Variants in FNIP1 observed in about 807,000 individuals in gnomAD.
FNIP1 encodes folliculin interacting protein 1, also known as folliculin-interacting protein 1.
A neutral mutation model predicts 124.5 loss-of-function variants in FNIP1; 40 were observed. That is an observed-to-expected ratio of 0.32 (90% confidence interval 0.25 to 0.42). The LOEUF (loss-of-function observed/expected upper bound fraction) is 0.42. Ranked by LOEUF, FNIP1 falls within the 10% of genes least tolerant of loss-of-function variation. FNIP1 has a pLI of 1.00. For synonymous variants in FNIP1, 472 were observed against 470.6 expected (o/e 1.00, Z -0.04); for missense variants, 1,176 against 1,403.7 (o/e 0.84, Z 2.59).
At chr5:131,687,517 G>A (rs1273237786) in intron 11 of FNIP1, among the ~76,000 whole-genome samples, 3 of 152,160 alleles carry the variant, frequency 2.0e-5, no homozygotes, top group Non-Finnish European at 4.4e-5. Context: ...GCTTTGACCT[G>A]CAAAGAGCTT....
At chr5:131,700,010 G>C (rs1768844749) in intron 10 of FNIP1, among the ~76,000 whole-genome samples, 1 of 143,068 alleles carries the variant, frequency 7.0e-6, no homozygotes, top group Non-Finnish European at 1.5e-5. Context: ...TTTTAAGACA[G>C]AGTCCTGCTC....
chr5:131,725,846 C>A (rs1769843353), intron 3 of FNIP1, among the ~76,000 whole-genome samples: 1 of 152,114 alleles, frequency 6.6e-6, no homozygotes, highest in South Asian at 2.1e-4. Flanking sequence ...TCATAAATAG[C>A]TCTTATTATT....
chr5:131,775,537 T>G (rs1474682935), intron 1 of FNIP1, among the ~76,000 whole-genome samples: 1 of 146,904 alleles, frequency 6.8e-6, no homozygotes, highest in African/African-American at 2.5e-5. Flanking sequence ...ACTTTTTTTT[T>G]TTTTTTTTGA....
At chr5:131,703,967 A>C (rs542576379) in intron 10 of FNIP1, 98 bp downstream of exon 10, 1 of 1,040,728 alleles carries the variant, frequency 9.6e-7, no homozygotes, top group East Asian at 2.6e-5. Context: ...ACACATGCAC[A>C]ACGTCTGTTA....
chr5:131,787,926 A>T (rs936704399), intron 1 of FNIP1, among the ~76,000 whole-genome samples: 3 of 152,162 alleles, frequency 2.0e-5, no homozygotes, highest in Non-Finnish European at 2.9e-5. Context: ...GTGAGCTAGG[A>T]TTGCGCCACT....
In FNIP1 at chr5:131,785,059, CATATATATGATATATATGACAT is replaced by C. The variant is rs1407571218; in HGVS notation, c.92+11749_92+11770del. On this transcript the variant is annotated intron_variant, in intron 1 of 17. Coordinates refer to ENST00000510461, the MANE Select transcript of FNIP1 (RefSeq NM_133372.3). ...ATATGATATATATGACTATATATAT[CATATATATGATATATATGACAT>C]ATATATATGATATATATGACTATAT... Among the ~76,000 whole-genome samples, 63 of 10,978 alleles carry C rather than the reference CATATATATGATATATATGACAT, an allele frequency of 5.7e-3. 3 individuals carry two copies. Among genetic ancestry groups the C allele is most frequent in the Middle Eastern group, 0.071 (1 of 14 alleles). The allele number at this position is 10,978 out of a possible 152,430, so 7.2% of individuals were successfully genotyped here.
chr5:131,688,940 AT>A lies in FNIP1; in HGVS notation c.1203-9766del, dbSNP rs538171172. ...TAAAATATATGAATAATAGCTTCGA[AT>A]TAAAAAAAAATTAGTAACAGACAAC... On this transcript the variant is annotated intron_variant, in intron 11 of 17. Transcript: ENST00000510461. Among the ~76,000 whole-genome samples the A allele has an allele frequency of 1.6e-3, 242 of 152,078 alleles. 1 individual carries two copies. The highest frequency in any genetic ancestry group is 5.6e-3 in the African/African-American group (232 of 41,566).
intron 1 of FNIP1, among the ~76,000 whole-genome samples, chr5:131,775,199 A>T (rs1202449997): frequency 1.3e-5 from 2 of 152,196 alleles, no homozygotes; most frequent in African/African-American, 4.8e-5. Context: ...TATAAATAAG[A>T]TATGAGACAG....
At chr5:131,777,680 T>C (rs1303005164) in intron 1 of FNIP1, among the ~76,000 whole-genome samples, 1 of 152,236 alleles carries the variant, frequency 6.6e-6, no homozygotes, top group Non-Finnish European at 1.5e-5. Context: ...ACATATATAC[T>C]ATCTTTACTG....
chr5:131,764,563 C>G (rs953099191), intron 1 of FNIP1, among the ~76,000 whole-genome samples: 1 of 152,020 alleles, frequency 6.6e-6, no homozygotes, highest in African/African-American at 2.4e-5. Context: ...TCTCAGCCTC[C>G]CAAAGAGCTG....
chr5:131,667,281 A>G (rs1767630131), intron 15 of FNIP1, among the ~76,000 whole-genome samples: 2 of 152,226 alleles, frequency 1.3e-5, no homozygotes, highest in Non-Finnish European at 2.9e-5. Context: ...TACTGGCACT[A>G]TATTCAGAAC....
intron 3 of FNIP1, among the ~76,000 whole-genome samples, chr5:131,721,114 T>C (rs1354741465): frequency 6.6e-6 from 1 of 152,020 alleles, no homozygotes; most frequent in Non-Finnish European, 1.5e-5. Context: ...ATAAATGAAA[T>C]ATAATAAATA....
chr5:131,766,635 C>G (rs1156847004), intron 1 of FNIP1, among the ~76,000 whole-genome samples: 1 of 152,186 alleles, frequency 6.6e-6, no homozygotes, highest in Non-Finnish European at 1.5e-5. Context: ...AGTCCCATGA[C>G]AGGCCATCTG....
intron 1 of FNIP1, among the ~76,000 whole-genome samples, chr5:131,753,178 C>T (rs2149566901): frequency 6.6e-6 from 1 of 152,134 alleles, no homozygotes; most frequent in East Asian, 1.9e-4. Flanking sequence ...TAATATGAAG[C>T]CCTTGGAACT....
chr5:131,740,879 G>A (rs911931833), intron 2 of FNIP1, among the ~76,000 whole-genome samples: 2 of 152,284 alleles, frequency 1.3e-5, no homozygotes, highest in Middle Eastern at 3.4e-3. Flanking sequence ...AAACCAAGAT[G>A]GCGACAAGAG....
rs144371580 is a variant in FNIP1 at position 131,669,581 on chromosome 5, G to A, written c.3108+882C>T. On this transcript the variant is annotated intron_variant, in intron 15 of 17. Coordinates refer to ENST00000510461, the MANE Select transcript of FNIP1 (RefSeq NM_133372.3). ...ATAGTTTAAAGATGAAAAATGACAC[G>A]ACAATACAATCTCAATAGACATTGA... Among the ~76,000 whole-genome samples, 54 of 151,836 alleles carry A rather than the reference G, an allele frequency of 3.6e-4. No individual in the cohort carries two copies. In the East Asian group the frequency reaches 0.01, roughly 29 times the overall value.
intron 2 of FNIP1, among the ~76,000 whole-genome samples, chr5:131,743,113 A>G (rs1770564536): frequency 6.6e-6 from 1 of 152,214 alleles, no homozygotes; most frequent in African/African-American, 2.4e-5. Flanking sequence ...ATGGAGGAGA[A>G]AATAAATCTA....
intron 3 of FNIP1, among the ~76,000 whole-genome samples, chr5:131,723,539 T>C (rs1769746295): frequency 6.6e-6 from 1 of 152,212 alleles, no homozygotes; most frequent in Admixed American, 6.5e-5. Context: ...TAATGTGACA[T>C]AATCTACAAT....
intron 11 of FNIP1, among the ~76,000 whole-genome samples, chr5:131,682,920 G>A (rs1321264143): frequency 2.0e-5 from 3 of 152,186 alleles, no homozygotes; most frequent in South Asian, 4.1e-4. Flanking sequence ...CTGTAGGCAT[G>A]ATTTAGTTTT....
Sources: gnomAD v4.1 joint callset for allele counts (sites outside exome capture counted in the v4.1 genomes callset) on GRCh38, gnomAD v4.1.1 for gene constraint, MANE v1.5 for transcripts, NCBI Gene and HGNC (gene_info 2026-07-23, HGNC 2026-07-21) for gene names.